Variants in ADAMTS3 observed in about 807,000 individuals in gnomAD.
ADAMTS3 encodes A disintegrin and metalloproteinase with thrombospondin motifs 3.
A neutral mutation model predicts 129.0 loss-of-function variants in ADAMTS3; 73 were observed. The ratio of observed to expected loss-of-function variants is 0.57; its 90% CI spans 0.47 to 0.69. The LOEUF (loss-of-function observed/expected upper bound fraction) is 0.69, where lower values mean the gene tolerates loss of function less well. ADAMTS3 is among the 30% of genes least tolerant of loss of function. ADAMTS3 has a pLI of 0.00. For synonymous variants in ADAMTS3, 477 were observed against 510.8 expected (o/e 0.93, Z 0.89); for missense variants, 1,457 against 1,514.5 (o/e 0.96, Z 0.63).
At chr4:72,567,463 A>G in intron 1 of ADAMTS3, 62 bp from the exon 2 acceptor site, 1 of 1,530,890 alleles carries the variant, frequency 6.5e-7, no homozygotes, top group Non-Finnish European at 9.0e-7. Flanking sequence ...TCACCTTGTG[A>G]GTTTTATTTC....
At chr4:72,479,493 G>T (rs921766262) in intron 3 of ADAMTS3, among the ~76,000 whole-genome samples, 5 of 152,200 alleles carry the variant, frequency 3.3e-5, no homozygotes, top group Non-Finnish European at 5.9e-5. Flanking sequence ...CTAGCCATAT[G>T]TAGAAAGCTG....
chr4:72,467,530 T>C (rs1230925337), intron 3 of ADAMTS3, among the ~76,000 whole-genome samples: 1 of 152,034 alleles, frequency 6.6e-6, no homozygotes, highest in East Asian at 1.9e-4. Flanking sequence ...TCCTACATTA[T>C]TTCGTCTTTA....
At chr4:72,495,422 T>C (rs1285701112) in intron 3 of ADAMTS3, among the ~76,000 whole-genome samples, 2 of 152,164 alleles carry the variant, frequency 1.3e-5, no homozygotes, top group African/African-American at 4.8e-5. Context: ...CAATCAATTA[T>C]TTATTACTTA....
intron 3 of ADAMTS3, among the ~76,000 whole-genome samples, chr4:72,504,602 A>G (rs562938870): frequency 1.3e-5 from 2 of 152,164 alleles, no homozygotes; most frequent in Admixed American, 1.3e-4. Context: ...TTATACTTGG[A>G]TATCTACCTC....
intron 5 of ADAMTS3, among the ~76,000 whole-genome samples, chr4:72,333,819 TTTG>T (rs1283867103): frequency 9.3e-5 from 14 of 151,198 alleles, no homozygotes; most frequent in South Asian, 4.2e-4. Context: ...TTTTTGTTGT[TTTG>T]TTGTTGTTGT....
chr4:72,288,964 A>ACC (rs1718588815), intron 20 of ADAMTS3, 96 bp from the exon 21 acceptor site: 3 of 761,198 alleles, frequency 3.9e-6, no homozygotes, highest in Non-Finnish European at 6.8e-6. Flanking sequence ...ACACACACAC[A>ACC]CACAAAGACA....
rs554098377 is a variant in ADAMTS3 at position 72,455,734 on chromosome 4, T to C, written c.505-40763A>G. On this transcript the variant is annotated intron_variant, in intron 3 of 21. Coordinates refer to ENST00000286657, the MANE Select transcript of ADAMTS3 (RefSeq NM_014243.3). ...TCTGTCGGCTTTATCAAATTTGTAA[T>C]TTTTACAATTTTTTTCTCAGACTAA... is the stretch of plus-strand genomic sequence containing the variant. Among the ~76,000 whole-genome samples, 18 of 145,898 alleles carry C rather than the reference T, an allele frequency of 1.2e-4. No individual in the cohort carries two copies. The East Asian group carries it at 3.2e-3, about 26-fold the overall frequency.
chr4:72,338,361 T>C (rs1441780645), intron 5 of ADAMTS3, among the ~76,000 whole-genome samples: 2 of 152,164 alleles, frequency 1.3e-5, no homozygotes, highest in East Asian at 1.9e-4. Flanking sequence ...TTTCTGTGTG[T>C]TGTTTGGTCT....
At chr4:72,318,226 A>T (rs1405772326) in intron 10 of ADAMTS3, among the ~76,000 whole-genome samples, 1 of 152,050 alleles carries the variant, frequency 6.6e-6, no homozygotes, top group Non-Finnish European at 1.5e-5. Flanking sequence ...AGGTCACAAA[A>T]AGCAGGGGAT....
chr4:72,476,918 C>A (rs1046672827), intron 3 of ADAMTS3, among the ~76,000 whole-genome samples: 1 of 152,026 alleles, frequency 6.6e-6, no homozygotes, highest in Non-Finnish European at 1.5e-5. Flanking sequence ...AATCACATAT[C>A]AAATGATGCA....
chr4:72,455,466 G>A (rs1718522525), intron 3 of ADAMTS3, among the ~76,000 whole-genome samples: 2 of 151,258 alleles, frequency 1.3e-5, no homozygotes, highest in Non-Finnish European at 3.0e-5. Flanking sequence ...ACGCACCAGG[G>A]CCTATTGGGG....
At chr4:72,428,460 T>C (rs951301979) in intron 3 of ADAMTS3, among the ~76,000 whole-genome samples, 1 of 152,050 alleles carries the variant, frequency 6.6e-6, no homozygotes, top group Non-Finnish European at 1.5e-5. Context: ...AAGACTTATA[T>C]TGGATGGCTA....
intron 2 of ADAMTS3, among the ~76,000 whole-genome samples, chr4:72,551,749 G>A (rs1311655171): frequency 6.6e-6 from 1 of 152,142 alleles, no homozygotes; most frequent in African/African-American, 2.4e-5. Flanking sequence ...TAGAAGACTT[G>A]ACACATATAA....
At chr4:72,436,396 A>G (rs570261840) in intron 3 of ADAMTS3, among the ~76,000 whole-genome samples, 2 of 152,274 alleles carry the variant, frequency 1.3e-5, no homozygotes, top group East Asian at 3.9e-4. Flanking sequence ...GAACACTTTT[A>G]CACTGTTGGT....
In ADAMTS3 at chr4:72,470,448, T is replaced by C. The variant is rs1401595337; in HGVS notation, c.505-55477A>G. 6.7e-5 allele frequency among the ~76,000 whole-genome samples: 10 copies of C among 150,284 alleles called. No homozygotes were observed. The South Asian group carries it at 1.9e-3, about 28-fold the overall frequency. On this transcript the variant is annotated intron_variant, in intron 3 of 21. Coordinates refer to ENST00000286657, the MANE Select transcript of ADAMTS3 (RefSeq NM_014243.3). Reference sequence around the variant, plus strand: ...ATATACATCTCATGTATAATATATATACACTCATAATATATACATATTATG... The same window carrying C: ...ATATACATCTCATGTATAATATATACACACTCATAATATATACATATTATG...
chr4:72,304,479 A>C (rs527610413), intron 16 of ADAMTS3, among the ~76,000 whole-genome samples: 1 of 152,264 alleles, frequency 6.6e-6, no homozygotes, highest in African/African-American at 2.4e-5. Flanking sequence ...ATAGCATATA[A>C]TGTAACGGTT....
intron 3 of ADAMTS3, among the ~76,000 whole-genome samples, chr4:72,547,499 T>C (rs1004976255): frequency 6.6e-6 from 1 of 152,166 alleles, no homozygotes; most frequent in Non-Finnish European, 1.5e-5. Flanking sequence ...TAAATTGCCT[T>C]TCATGCGATC....
intron 3 of ADAMTS3, among the ~76,000 whole-genome samples, chr4:72,511,900 G>A (rs1490782155): frequency 6.6e-6 from 1 of 152,102 alleles, no homozygotes; most frequent in African/African-American, 2.4e-5. Context: ...AGAAAATGTG[G>A]TACATACACA....
chr4:72,393,445 T>C (rs558536432), intron 4 of ADAMTS3, among the ~76,000 whole-genome samples: 5 of 152,298 alleles, frequency 3.3e-5, no homozygotes, highest in African/African-American at 1.2e-4. Context: ...AATAAATGAA[T>C]ACATAATTGA....
Sources: gnomAD v4.1 joint callset for allele counts (sites outside exome capture counted in the v4.1 genomes callset) on GRCh38, gnomAD v4.1.1 for gene constraint, MANE v1.5 for transcripts, NCBI Gene and HGNC (gene_info 2026-07-23, HGNC 2026-07-21) for gene names.